The following GRB10 variants were observed in gnomAD, a reference collection of about 807,000 sequenced individuals.
GRB10 encodes the protein growth factor receptor bound protein 10.
In GRB10, 20 loss-of-function variants were observed where a neutral mutation model predicts 80.9. The ratio of observed to expected loss-of-function variants is 0.25; its 90% CI spans 0.17 to 0.36. The LOEUF is 0.36. Among genes scored for constraint, GRB10 ranks in the 10% least tolerant of loss-of-function variants. The probability of loss-of-function intolerance (pLI) is 1.00; values close to 1 mark genes in which losing one functional copy is unlikely to be tolerated. For missense variants in GRB10, 548 were observed against 747.7 expected (o/e 0.73, Z 3.12); for synonymous variants, 291 against 291.5 (o/e 1.00, Z 0.02).
intron 5 of GRB10, among the ~76,000 whole-genome samples, chr7:50,678,442 C>G (rs375129972): frequency 1.3e-5 from 2 of 152,176 alleles, no homozygotes; most frequent in African/African-American, 4.8e-5. Context: ...AGAGCCATTA[C>G]AGCAAAAATA....
At chr7:50,647,683 G>T (rs2057396180) in intron 7 of GRB10, among the ~76,000 whole-genome samples, 1 of 152,192 alleles carries the variant, frequency 6.6e-6, no homozygotes, top group Non-Finnish European at 1.5e-5. Flanking sequence ...AGATGCCACA[G>T]GCCGACTGTG....
intron 7 of GRB10, among the ~76,000 whole-genome samples, chr7:50,652,368 T>C (rs966592452): frequency 1.2e-4 from 19 of 152,212 alleles, no homozygotes; most frequent in African/African-American, 4.3e-4. Context: ...TTAGTCTCTA[T>C]GGCATAAAAG....
chr7:50,688,501 C>T (rs2062378612), intron 5 of GRB10, among the ~76,000 whole-genome samples: 1 of 152,110 alleles, frequency 6.6e-6, no homozygotes, highest in Non-Finnish European at 1.5e-5. Flanking sequence ...TTAAATCATT[C>T]CTGGCTAGGG....
At chr7:50,682,586 T>A (rs2061667725) in intron 5 of GRB10, among the ~76,000 whole-genome samples, 1 of 152,236 alleles carries the variant, frequency 6.6e-6, no homozygotes, top group South Asian at 2.1e-4. Flanking sequence ...CAGTTAAGTA[T>A]TTGACAAGTT....
In GRB10 at chr7:50,757,756, C is replaced by T. The variant is rs115683988; in HGVS notation, c.-216-1700G>A. 9.8e-4 allele frequency among the ~76,000 whole-genome samples: 149 copies of T among 152,332 alleles called. 1 individual carries two copies. The highest frequency in any genetic ancestry group is 3.5e-3 in the African/African-American group (147 of 41,574). On this transcript the variant is annotated intron_variant, in intron 2 of 18. Transcript: ENST00000401949. ...GAACACTGGGAAATGGACTTACGGT[C>T]ACCATCACAACAGCATACGAATCAC...
intron 13 of GRB10, chr7:50,606,736 T>A: frequency 3.0e-6 from 1 of 335,852 alleles, no homozygotes; most frequent in Non-Finnish European, 5.7e-6. Context: ...CACCATATTT[T>A]TATAAGGAAG....
chr7:50,770,601 T>C (rs1197591557), intron 2 of GRB10, among the ~76,000 whole-genome samples: 5 of 152,226 alleles, frequency 3.3e-5, no homozygotes, highest in Non-Finnish European at 7.3e-5. Flanking sequence ...CGATGTGTCC[T>C]TGTCCCTTGC....
upstream of GRB10, among the ~76,000 whole-genome samples, chr7:50,783,470 T>A (rs79124697): frequency 2.7e-4 from 8 of 29,104 alleles, no homozygotes; most frequent in East Asian, 2.4e-3. Context: ...ACCCACCCAC[T>A]CACATACATA....
At chr7:50,772,011 C>T (rs561943922) in intron 2 of GRB10, among the ~76,000 whole-genome samples, 2 of 152,302 alleles carry the variant, frequency 1.3e-5, no homozygotes, top group South Asian at 4.1e-4. Context: ...TTGAATGGCA[C>T]ATGTGTCCCC....
At chr7:50,655,298 G>A (rs1470237903) in intron 7 of GRB10, among the ~76,000 whole-genome samples, 2 of 152,098 alleles carry the variant, frequency 1.3e-5, no homozygotes, top group Non-Finnish European at 2.9e-5. Context: ...TTCCACACAC[G>A]TAAGTTATTA....
intron 13 of GRB10, among the ~76,000 whole-genome samples, chr7:50,612,511 T>C (rs1211996070): frequency 1.3e-5 from 2 of 152,200 alleles, no homozygotes; most frequent in African/African-American, 2.4e-5. Context: ...AAAATGTCAG[T>C]AGTACTGAGT....
At chr7:50,747,275 G>A (rs1333664695) in intron 3 of GRB10, among the ~76,000 whole-genome samples, 1 of 152,126 alleles carries the variant, frequency 6.6e-6, no homozygotes, top group Non-Finnish European at 1.5e-5. Flanking sequence ...CCTGGCCTGG[G>A]GCTGGGATTC....
At position 50,669,709 on chromosome 7, in the gene GRB10, G is replaced by C; in HGVS notation, c.504+13C>G. 3.1e-6 allele frequency: 5 copies of C among 1,611,760 alleles called. No homozygotes were observed. Among genetic ancestry groups the C allele is most frequent in the Non-Finnish European group, 4.2e-6 (5 of 1,179,514 alleles). ...TATCCCTCAGCCTGGGCTCCAGCCAGGGGCACACTCACCTGCTTTGCGGCG... is the reference window on the plus strand; with the variant it reads ...TATCCCTCAGCCTGGGCTCCAGCCACGGGCACACTCACCTGCTTTGCGGCG... On this transcript the variant is annotated intron_variant, in intron 7 of 18. Transcript: ENST00000401949.
At chr7:50,648,187 A>C (rs950771168) in intron 7 of GRB10, among the ~76,000 whole-genome samples, 1 of 152,160 alleles carries the variant, frequency 6.6e-6, no homozygotes. Context: ...CTGAAGAGCC[A>C]GCAACGATGG....
chr7:50,703,918 C>A lies in GRB10; in HGVS notation c.52-10G>T. 6.2e-7 allele frequency: 1 copy of A among 1,604,326 alleles called. No individual in the cohort carries two copies. ...TCTGCTCCACCTTGTCCTAAAAAAA[C>A]AGGACCGCAGCAGAAAGGCTGTGAG... On this transcript the variant is annotated splice_polypyrimidine_tract_variant and intron_variant, in intron 4 of 18. Transcript: ENST00000401949.
intron 5 of GRB10, among the ~76,000 whole-genome samples, chr7:50,683,648 A>G (rs1359451652): frequency 1.3e-5 from 2 of 152,184 alleles, no homozygotes; most frequent in Non-Finnish European, 2.9e-5. Context: ...GAGGCAGGAG[A>G]ATCGCTTGAA....
At chr7:50,738,626 T>A (rs1325907007) in intron 3 of GRB10, among the ~76,000 whole-genome samples, 1 of 152,150 alleles carries the variant, frequency 6.6e-6, no homozygotes, top group Non-Finnish European at 1.5e-5. Flanking sequence ...CTTCTGAACA[T>A]CCTACAGTTA....
chr7:50,701,033 C>CT (rs1332080079), intron 5 of GRB10, among the ~76,000 whole-genome samples: 3 of 152,210 alleles, frequency 2.0e-5, no homozygotes, highest in Non-Finnish European at 4.4e-5. Context: ...TGTTTAATAT[C>CT]TTTTTTCTCT....
intron 1 of GRB10, among the ~76,000 whole-genome samples, chr7:50,789,501 C>G (rs2153716766): frequency 6.6e-6 from 1 of 152,300 alleles, no homozygotes; most frequent in Non-Finnish European, 1.5e-5. Flanking sequence ...GTAGTACAAC[C>G]AGGAGTCAAC....
Sources: gnomAD v4.1 joint callset for allele counts (sites outside exome capture counted in the v4.1 genomes callset) on GRCh38, gnomAD v4.1.1 for gene constraint, MANE v1.5 for transcripts, NCBI Gene and HGNC (gene_info 2026-07-23, HGNC 2026-07-21) for gene names.